The following MRAP2 variants were observed in gnomAD, a reference collection of about 807,000 sequenced individuals.
MRAP2 encodes melanocortin-2 receptor accessory protein 2.
A neutral mutation model predicts 17.4 loss-of-function variants in MRAP2; 20 were observed. The observed-to-expected ratio is 1.15, with a 90% CI of 0.81 to 1.67. The LOEUF (loss-of-function observed/expected upper bound fraction) is 1.67. MRAP2 is among the 40% of genes most tolerant of loss of function. MRAP2 has a pLI of 0.00. For missense variants in MRAP2, 238 were observed against 240.0 expected (o/e 0.99, Z 0.05); for synonymous variants, 96 against 88.4 (o/e 1.09, Z -0.48).
rs151147693 is a variant in MRAP2 at position 84,041,159 on chromosome 6, G to T, written c.-8+7276G>T. ...GGCCAAGGCATACAAAGGGGCCAAG[G>T]TATAGCTCAGGCTGTAGTTTCAAAG... is the stretch of plus-strand genomic sequence containing the variant. On this transcript the variant is annotated intron_variant, in intron 1 of 3. Transcript: ENST00000257776. 3.4e-4 allele frequency among the ~76,000 whole-genome samples: 52 copies of T among 152,328 alleles called. No homozygotes were observed. In the East Asian group the frequency reaches 9.8e-3, roughly 29 times the overall value.
At chr6:84,043,599 C>T (rs547860097) in intron 1 of MRAP2, among the ~76,000 whole-genome samples, 3 of 145,342 alleles carry the variant, frequency 2.1e-5, no homozygotes, top group Non-Finnish European at 4.5e-5. Flanking sequence ...CCTGTTGTTT[C>T]TACTGTCTAT....
the MRAP2 span, among the ~76,000 whole-genome samples, chr6:84,108,407 A>G: frequency 6.6e-6 from 1 of 150,860 alleles, no homozygotes; most frequent in African/African-American, 2.4e-5. Flanking sequence ...TGTGGTTTTG[A>G]TATGCATTTC....
intron 1 of MRAP2, among the ~76,000 whole-genome samples, chr6:84,048,518 TGAAGTACA>T (rs1344682131): frequency 6.6e-6 from 1 of 152,198 alleles, no homozygotes; most frequent in Non-Finnish European, 1.5e-5. Context: ...TAGAATTTTT[TGAAGTACA>T]GACCAAGAAA....
the MRAP2 span, among the ~76,000 whole-genome samples, chr6:84,135,245 A>G: frequency 6.6e-6 from 1 of 152,216 alleles, no homozygotes; most frequent in African/African-American, 2.4e-5. Context: ...TAGCATCAAT[A>G]AAAAGCATAA....
chr6:84,082,425 T>A (rs916843286), intron 3 of MRAP2, among the ~76,000 whole-genome samples: 1 of 152,236 alleles, frequency 6.6e-6, no homozygotes, highest in African/African-American at 2.4e-5. Context: ...CCTGCTCAAA[T>A]CTTCAGTAAC....
chr6:84,071,712 A>G (rs181511872), intron 3 of MRAP2, among the ~76,000 whole-genome samples: 156 of 152,270 alleles, frequency 1.0e-3, no homozygotes, highest in African/African-American at 3.6e-3. Flanking sequence ...CCTCAGGAAC[A>G]CCAATTATCC....
chr6:84,137,909 T>C, the MRAP2 span, among the ~76,000 whole-genome samples: 5 of 152,198 alleles, frequency 3.3e-5, no homozygotes, highest in Admixed American at 1.3e-4. Context: ...TTTCACCCCA[T>C]TGCAGCAGAC....
chr6:84,122,352 C>CAAAAAA, the MRAP2 span, among the ~76,000 whole-genome samples: 57 of 36,040 alleles, frequency 1.6e-3, no homozygotes, highest in Middle Eastern at 0.023. Flanking sequence ...ACAGCACATC[C>CAAAAAA]AAAAAAAAAA....
At chr6:84,133,665 A>G in the MRAP2 span, among the ~76,000 whole-genome samples, 1 of 152,168 alleles carries the variant, frequency 6.6e-6, no homozygotes, top group Non-Finnish European at 1.5e-5. Context: ...CCTCTGAGCC[A>G]TGCGCGGGAT....
intron 1 of MRAP2, 25 bp from the exon 2 acceptor site, chr6:84,055,287 C>T (rs767838000): frequency 1.1e-5 from 17 of 1,597,520 alleles, no homozygotes; most frequent in East Asian, 4.5e-5. Flanking sequence ...ACAGGTTCTG[C>T]GCTTGACTTT....
At chr6:84,055,799 G>A (rs1474126345) in intron 2 of MRAP2, among the ~76,000 whole-genome samples, 1 of 152,198 alleles carries the variant, frequency 6.6e-6, no homozygotes, top group Non-Finnish European at 1.5e-5. Flanking sequence ...ATCTGGAACT[G>A]TTATTTGAAG....
chr6:84,049,268 C>T (rs2099489801), intron 1 of MRAP2, among the ~76,000 whole-genome samples: 1 of 151,916 alleles, frequency 6.6e-6, no homozygotes, highest in Non-Finnish European at 1.5e-5. Flanking sequence ...CTACTAAAAG[C>T]ACAAAACTTA....
the MRAP2 span, among the ~76,000 whole-genome samples, chr6:84,120,382 A>G: frequency 3.3e-5 from 5 of 152,178 alleles, no homozygotes; most frequent in African/African-American, 4.8e-5. Context: ...TGGAGGTGAC[A>G]TCTAAAATTA....
chr6:84,069,878 G>A lies in MRAP2; in HGVS notation c.227+6886G>A, dbSNP rs114052753. 6.9e-3 allele frequency among the ~76,000 whole-genome samples: 1,049 copies of A among 152,082 alleles called. 5 individuals carry two copies. The highest frequency in any genetic ancestry group is 0.022 in the African/African-American group (907 of 41,504). On this transcript the variant is annotated intron_variant, in intron 3 of 3. Coordinates refer to ENST00000257776, the MANE Select transcript of MRAP2 (RefSeq NM_138409.4). ...CTTCTAAGTTTTCTAGTTTATGTGCGTAAAGGTTCATAGTAGCTTTGGATG... is the reference window on the plus strand; with the variant it reads ...CTTCTAAGTTTTCTAGTTTATGTGCATAAAGGTTCATAGTAGCTTTGGATG...
chr6:84,077,511 A>G (rs953590015), intron 3 of MRAP2, among the ~76,000 whole-genome samples: 4 of 152,154 alleles, frequency 2.6e-5, no homozygotes, highest in African/African-American at 9.7e-5. Flanking sequence ...ATGATTTTCT[A>G]CCTGAAATCT....
intron 3 of MRAP2, among the ~76,000 whole-genome samples, chr6:84,078,953 A>C (rs1204942200): frequency 6.6e-6 from 1 of 152,194 alleles, no homozygotes. Flanking sequence ...ACTAATTCTC[A>C]CACATTGTGG....
the MRAP2 span, among the ~76,000 whole-genome samples, chr6:84,142,096 T>C: frequency 5.3e-5 from 8 of 151,636 alleles, no homozygotes; most frequent in South Asian, 1.5e-3. Flanking sequence ...GGGAGAAGAG[T>C]TTGTTTTTGT....
chr6:84,144,985 C>T, the MRAP2 span, among the ~76,000 whole-genome samples: 2 of 152,074 alleles, frequency 1.3e-5, no homozygotes, highest in Admixed American at 1.3e-4. Context: ...TGTAACACAA[C>T]TGGAAACATC....
intron 1 of MRAP2, chr6:84,035,387 C>T (rs746201243): frequency 6.3e-5 from 62 of 981,018 alleles, no homozygotes; most frequent in East Asian, 1.1e-4. Flanking sequence ...CAAATACTTA[C>T]GCCAAACCAA....
Sources: allele counts gnomAD v4.1 joint callset (sites outside exome capture counted in the v4.1 genomes callset), GRCh38; gene constraint gnomAD v4.1.1; transcripts MANE v1.5; gene names NCBI Gene and HGNC (gene_info 2026-07-23, HGNC 2026-07-21).